INSL6: variants seen among roughly 807,000 people sequenced by gnomAD.
The protein encoded by INSL6 is insulin-like peptide INSL6.
In INSL6, 16 loss-of-function variants were observed where a neutral mutation model predicts 9.4. The ratio of observed to expected loss-of-function variants is 1.70; its 90% CI spans 1.15 to 2.59. The LOEUF is 2.59. Among genes scored for constraint, INSL6 ranks in the 30% most tolerant of loss-of-function variants. The pLI is 0.00. For missense variants in INSL6, 391 were observed against 257.3 expected (o/e 1.52, Z -3.56); for synonymous variants, 154 against 96.9 (o/e 1.59, Z -3.46).
chr9:5,125,143 G>A (rs1201611605), intron 3 of INSL6, among the ~76,000 whole-genome samples: 2 of 151,158 alleles, frequency 1.3e-5, no homozygotes, highest in Admixed American at 1.3e-4. Context: ...CAATTACTCA[G>A]AGAAGACCAC....
chr9:4,992,955 C>G, the INSL6 span, among the ~76,000 whole-genome samples: 16 of 152,244 alleles, frequency 1.1e-4, 1 homozygote, highest in East Asian at 3.1e-3. Flanking sequence ...AATTATTTAT[C>G]TCCCCCACCC....
chr9:5,039,230 T>C, the INSL6 span, among the ~76,000 whole-genome samples: 1 of 152,128 alleles, frequency 6.6e-6, no homozygotes, highest in Non-Finnish European at 1.5e-5. Context: ...GTCATCCCGC[T>C]GTATCCATGG....
At chr9:5,168,143 G>T (rs1054260220) in intron 1 of INSL6, among the ~76,000 whole-genome samples, 7 of 152,144 alleles carry the variant, frequency 4.6e-5, no homozygotes, top group Admixed American at 3.9e-4. Context: ...AAAACGTTGG[G>T]AACTCAAAAA....
At chr9:5,020,440 G>C in the INSL6 span, among the ~76,000 whole-genome samples, 1 of 152,182 alleles carries the variant, frequency 6.6e-6, no homozygotes, top group Non-Finnish European at 1.5e-5. Context: ...TTTGTGGTGG[G>C]CAGGAGCAGG....
the INSL6 span, among the ~76,000 whole-genome samples, chr9:5,013,050 C>CT: frequency 6.6e-6 from 1 of 152,112 alleles, no homozygotes; most frequent in Non-Finnish European, 1.5e-5. Flanking sequence ...TATTGATGGA[C>CT]TGGATATAGG....
the INSL6 span, among the ~76,000 whole-genome samples, chr9:5,068,375 A>G: frequency 6.6e-6 from 1 of 152,184 alleles, no homozygotes; most frequent in African/African-American, 2.4e-5. Context: ...TGTAATATTA[A>G]AGATAATTAT....
At chr9:5,114,398 C>T in the INSL6 span, 1 of 513,134 alleles carries the variant, frequency 1.9e-6, no homozygotes, top group South Asian at 1.7e-5. Flanking sequence ...TGCTGGTGGG[C>T]ACCAGAGACT....
At chr9:5,174,558 A>C (rs1434004742) in intron 1 of INSL6, among the ~76,000 whole-genome samples, 1 of 151,958 alleles carries the variant, frequency 6.6e-6, no homozygotes, top group Non-Finnish European at 1.5e-5. Flanking sequence ...TCACTCCCCA[A>C]CTTATTATTG....
chr9:5,107,042 T>C, the INSL6 span, among the ~76,000 whole-genome samples: 1 of 152,102 alleles, frequency 6.6e-6, no homozygotes, highest in Non-Finnish European at 1.5e-5. Context: ...AAAATATATA[T>C]ACATCACTTT....
the INSL6 span, chr9:5,112,377 A>T: frequency 4.1e-5 from 17 of 414,880 alleles, no homozygotes; most frequent in Non-Finnish European, 7.3e-5. Flanking sequence ...CGAGCAGGCC[A>T]CTGGGGAAAT....
chr9:5,099,341 A>G, the INSL6 span: 1 of 152,230 alleles, frequency 6.6e-6, no homozygotes, highest in Non-Finnish European at 1.5e-5. Context: ...ATATCACTGT[A>G]AAGCTATTCA....
chr9:5,090,764 G>C, the INSL6 span: 1 of 1,607,680 alleles, frequency 6.2e-7, no homozygotes, highest in Non-Finnish European at 8.5e-7. Flanking sequence ...GGTACAAAAA[G>C]GTATATCCAC....
chr9:5,023,048 A>G, the INSL6 span, among the ~76,000 whole-genome samples: 559 of 152,352 alleles, frequency 3.7e-3, 4 homozygotes, highest in African/African-American at 0.013. Context: ...ATTTTGAAAA[A>G]TACAATACAT....
At chr9:5,180,571 G>A (rs981895811) in intron 1 of INSL6, among the ~76,000 whole-genome samples, 2 of 152,136 alleles carry the variant, frequency 1.3e-5, no homozygotes, top group African/African-American at 4.8e-5. Context: ...TCTGTCTTAT[G>A]TCGTTGACAT....
At chr9:5,149,824 T>C (rs1404433444) in intron 2 of INSL6, among the ~76,000 whole-genome samples, 2 of 152,154 alleles carry the variant, frequency 1.3e-5, no homozygotes, top group Admixed American at 1.3e-4. Flanking sequence ...GCTGGAGGTA[T>C]CACATTATGT....
At chr9:5,150,072 C>A (rs111806952) in intron 2 of INSL6, among the ~76,000 whole-genome samples, 97 of 152,306 alleles carry the variant, frequency 6.4e-4, no homozygotes, top group African/African-American at 2.3e-3. Flanking sequence ...GGACTCATCT[C>A]TCTCACCAAA....
intron 2 of INSL6, among the ~76,000 whole-genome samples, chr9:5,147,234 T>C (rs749637444): frequency 6.6e-6 from 1 of 152,098 alleles, no homozygotes; most frequent in Non-Finnish European, 1.5e-5. Context: ...GGGTCTGTGC[T>C]GTGGAACTAA....
At chr9:5,101,965 G>A in the INSL6 span, among the ~76,000 whole-genome samples, 1 of 152,176 alleles carries the variant, frequency 6.6e-6, no homozygotes, top group East Asian at 1.9e-4. Flanking sequence ...CAGAAAAGCT[G>A]AAAATTCTAA....
chr9:5,095,621 G>C, the INSL6 span, among the ~76,000 whole-genome samples: 1 of 152,152 alleles, frequency 6.6e-6, no homozygotes, highest in South Asian at 2.1e-4. Context: ...CTCCTCACAT[G>C]ACAAAAACTA....
Sources: allele counts gnomAD v4.1 joint callset (sites outside exome capture counted in the v4.1 genomes callset), GRCh38; gene constraint gnomAD v4.1.1; transcripts MANE v1.5; gene names NCBI Gene and HGNC (gene_info 2026-07-23, HGNC 2026-07-21).